The following RNF130 variants were observed in gnomAD, a reference collection of about 807,000 sequenced individuals.
RNF130 encodes the protein ring finger protein 130, also known as E3 ubiquitin-protein ligase RNF130.
A neutral mutation model predicts 44.6 loss-of-function variants in RNF130; 21 were observed. The observed-to-expected ratio is 0.47, with a 90% confidence interval of 0.33 to 0.68. The LOEUF is 0.68. Ranked by LOEUF, RNF130 falls within the 30% of genes least tolerant of loss-of-function variation. The pLI is 0.02. For missense variants in RNF130, 479 were observed against 560.6 expected (o/e 0.85, Z 1.47); for synonymous variants, 214 against 210.4 (o/e 1.02, Z -0.15).
chr5:179,988,786 CTT>C (rs1288561040), intron 3 of RNF130, among the ~76,000 whole-genome samples: 1 of 152,136 alleles, frequency 6.6e-6, no homozygotes, highest in Non-Finnish European at 1.5e-5. Flanking sequence ...TTTGTTGAGA[CTT>C]GTTTTGTGGT....
intron 7 of RNF130, among the ~76,000 whole-genome samples, chr5:179,923,898 C>T (rs1327311568): frequency 6.6e-6 from 1 of 152,170 alleles, no homozygotes; most frequent in African/African-American, 2.4e-5. Flanking sequence ...TAGAAATTCT[C>T]GAACTTGATG....
In RNF130 at chr5:179,973,774, T is replaced by TA. The variant is rs1487510078; in HGVS notation, c.849-3269dup. 7.3e-5 allele frequency among the ~76,000 whole-genome samples: 11 copies of TA among 151,548 alleles called. No individual in the cohort carries two copies. The East Asian group carries it at 1.8e-3, about 24-fold the overall frequency. ...CTCACGTGATAAAAACACACATAAA[T>TA]AAAAAACAGGCCCGCCACACACAGG... On this transcript the variant is annotated intron_variant, in intron 5 of 8. Transcript: ENST00000521389.
At chr5:180,058,290 G>A (rs1764885481) in intron 1 of RNF130, among the ~76,000 whole-genome samples, 3 of 152,184 alleles carry the variant, frequency 2.0e-5, no homozygotes, top group African/African-American at 7.2e-5. Flanking sequence ...TTACGGTTGT[G>A]TATTTTTCAG....
intron 1 of RNF130, among the ~76,000 whole-genome samples, chr5:180,047,909 G>A (rs1296464701): frequency 1.3e-5 from 2 of 151,654 alleles, no homozygotes; most frequent in Non-Finnish European, 1.5e-5. Context: ...TCCTCCAGTC[G>A]AACCTTCAAT....
chr5:180,007,669 C>T (rs561574275), intron 3 of RNF130, among the ~76,000 whole-genome samples: 271 of 152,304 alleles, frequency 1.8e-3, no homozygotes, highest in Non-Finnish European at 2.8e-3. Context: ...TCTGGAGAGA[C>T]GCTTTGGAAG....
chr5:180,027,842 A>G (rs1293126023), intron 2 of RNF130, among the ~76,000 whole-genome samples: 1 of 152,220 alleles, frequency 6.6e-6, no homozygotes, highest in Admixed American at 6.5e-5. Flanking sequence ...AGCTGCCATC[A>G]TTCACTGGGG....
intron 7 of RNF130, among the ~76,000 whole-genome samples, chr5:179,922,896 T>C (rs964549800): frequency 2.6e-5 from 4 of 152,002 alleles, no homozygotes; most frequent in South Asian, 2.1e-4. Context: ...ACTACACTAC[T>C]GCCCTCCAGC....
At chr5:179,939,909 C>G (rs1434787381) in intron 7 of RNF130, 1 of 293,008 alleles carries the variant, frequency 3.4e-6, no homozygotes, top group African/African-American at 2.3e-5. Flanking sequence ...AAAATGCATT[C>G]CACCTCCTTC....
At chr5:179,961,968 C>T (rs1762339590) in intron 8 of RNF130, among the ~76,000 whole-genome samples, 1 of 152,222 alleles carries the variant, frequency 6.6e-6, no homozygotes, top group African/African-American at 2.4e-5. Flanking sequence ...ATTCTCATAA[C>T]AACCCTGCGA....
In RNF130 at chr5:179,938,149, G is replaced by A. The variant is rs372346406; in HGVS notation, c.1151-17723C>T. Among the ~76,000 whole-genome samples the A allele has an allele frequency of 4.4e-4, 67 of 152,068 alleles. 2 individuals are homozygous for A. The South Asian group carries it at 0.012, about 27-fold the overall frequency. ...TTTTTGTATTTTTTTGTAGAGATGG[G>A]GTTTTGCCACGTTGCCCAGGTTGGT... On this transcript the variant is annotated intron_variant, in intron 7 of 7. Coordinates refer to the RNF130 transcript ENST00000522208.
At chr5:179,982,588 G>GT (rs1554102746) in intron 3 of RNF130, among the ~76,000 whole-genome samples, 1 of 146,314 alleles carries the variant, frequency 6.8e-6, no homozygotes, top group Middle Eastern at 3.2e-3. Flanking sequence ...GTTTTGTTTT[G>GT]TTTTTAAGAC....
rs186567492 is a variant in RNF130, at chr5:180,042,685, G to A, written c.248-2038C>T. 1.7e-4 allele frequency among the ~76,000 whole-genome samples: 26 copies of A among 152,232 alleles called. 1 individual carries two copies. The highest frequency in any genetic ancestry group is 2.6e-4 in the African/African-American group (11 of 41,548). The stretch of plus-strand genomic sequence containing the variant: ...GGAACTGGTTTTAGGTGTTCTGTTC[G>A]TTATTTTTCAAAACATACTGCTGCA... On this transcript the variant is annotated intron_variant, in intron 1 of 8. Coordinates refer to ENST00000521389, the MANE Select transcript of RNF130 (RefSeq NM_018434.6).
chr5:179,955,894 A>G (rs1762201969), intron 8 of RNF130, among the ~76,000 whole-genome samples: 1 of 152,200 alleles, frequency 6.6e-6, no homozygotes, highest in African/African-American at 2.4e-5. Flanking sequence ...TCCCAAAAGG[A>G]TGAAGGAAAA....
rs1424592514 is a variant in RNF130, at chr5:180,057,521, C to A, written c.247+13935G>T. Among the ~76,000 whole-genome samples the A allele has an allele frequency of 2.0e-5, 3 of 151,934 alleles. No homozygotes were observed. The East Asian group carries it at 5.8e-4, about 29-fold the overall frequency. On this transcript the variant is annotated intron_variant, in intron 1 of 8. Transcript: ENST00000521389. ...CAAGACCGTACCACTGCGCTCCAGCCTGGGTGACAGAGCGAAACTCAGTCT... is the reference window on the plus strand; with the variant it reads ...CAAGACCGTACCACTGCGCTCCAGCATGGGTGACAGAGCGAAACTCAGTCT...
intron 3 of RNF130, among the ~76,000 whole-genome samples, chr5:180,011,612 A>T (rs964395268): frequency 5.9e-5 from 9 of 152,090 alleles, no homozygotes; most frequent in Non-Finnish European, 5.9e-5. Flanking sequence ...CAAAAAAATT[A>T]AAAAATTAGC....
chr5:179,941,166 C>CT (rs1761965220), intron 7 of RNF130, among the ~76,000 whole-genome samples: 1 of 151,838 alleles, frequency 6.6e-6, no homozygotes, highest in African/African-American at 2.4e-5. Flanking sequence ...GTTTTTTCTC[C>CT]TTTTTGGTCA....
At chr5:179,920,133 T>C (rs1376426658) in exon 8 of RNF130, 7 of 538,052 alleles carry the variant, frequency 1.3e-5, no homozygotes, top group East Asian at 8.6e-5. Flanking sequence ...ACCTGGGCAA[T>C]GCTACTGTCC....
At chr5:179,924,741 A>G (rs997540604) in intron 7 of RNF130, among the ~76,000 whole-genome samples, 11 of 152,198 alleles carry the variant, frequency 7.2e-5, no homozygotes. Context: ...GTGAGCCAAG[A>G]TGGTGCCACT....
chr5:180,027,670 G>A (rs557300144), intron 2 of RNF130, among the ~76,000 whole-genome samples: 16 of 152,224 alleles, frequency 1.1e-4, no homozygotes, highest in African/African-American at 2.6e-4. Context: ...CAGCCAGGAC[G>A]CGTGCCTTCC....
Sources: gnomAD v4.1 joint callset for allele counts (sites outside exome capture counted in the v4.1 genomes callset) on GRCh38, gnomAD v4.1.1 for gene constraint, MANE v1.5 for transcripts, NCBI Gene and HGNC (gene_info 2026-07-23, HGNC 2026-07-21) for gene names.